Variants in TMCC3 observed in about 807,000 individuals in gnomAD.
TMCC3 encodes the protein transmembrane and coiled-coil domain family 3, also known as transmembrane and coiled-coil domain protein 3.
A neutral mutation model predicts 40.2 loss-of-function variants in TMCC3; 28 were observed. The ratio of observed to expected loss-of-function variants is 0.70; its 90% CI spans 0.52 to 0.95. TMCC3 has a LOEUF of 0.95. Ranked by LOEUF, TMCC3 falls within the 40% of genes least tolerant of loss-of-function variation. The pLI is 0.00. For synonymous variants in TMCC3, 255 were observed against 248.5 expected, an observed-to-expected ratio of 1.03 and a Z score of -0.25; for missense variants, 554 against 615.2, an observed-to-expected ratio of 0.90 and a Z score of 1.05.
rs2068517870 is a variant in TMCC3 at position 94,570,078 on chromosome 12, T to G, written c.*1357A>C. ...GAGGCAGTATGGTCGTCCTAATACC[T>G]CAGGACTTATGTTCAGTGAGATGTT... is the stretch of plus-strand genomic sequence containing the variant. On this transcript the variant is annotated 3_prime_UTR_variant, in exon 4 of 4. Coordinates refer to ENST00000261226, the MANE Select transcript of TMCC3 (RefSeq NM_020698.4). 6.6e-6 allele frequency: 1 copy of G among 152,204 alleles called. No homozygotes were observed. Among genetic ancestry groups the G allele is most frequent in the African/African-American group, 2.4e-5 (1 of 41,450 alleles). 9.4% of individuals were successfully genotyped at this position (152,204 alleles called of 1,614,324 possible). A position where few individuals can be genotyped will look rare whatever the true frequency, so the allele number is the denominator to read the frequency against.
chr12:94,574,345 G>A (rs535002795), intron 3 of TMCC3, among the ~76,000 whole-genome samples: 5 of 150,284 alleles, frequency 3.3e-5, no homozygotes, highest in South Asian at 4.2e-4. Flanking sequence ...CCGAGATCAC[G>A]CCACTACACT....
chr12:94,583,338 C>G (rs542477873), intron 1 of TMCC3, among the ~76,000 whole-genome samples: 1 of 152,080 alleles, frequency 6.6e-6, no homozygotes, highest in Non-Finnish European at 1.5e-5. Flanking sequence ...AACCCCATCT[C>G]TACTAAAAAT....
chr12:94,599,605 A>G (rs1199758349), intron 1 of TMCC3, among the ~76,000 whole-genome samples: 4 of 147,286 alleles, frequency 2.7e-5, no homozygotes, highest in Non-Finnish European at 6.0e-5. Flanking sequence ...ACTGCTTTAC[A>G]GAGTCTTACC....
chr12:94,595,408 C>T (rs2068709794), intron 1 of TMCC3, among the ~76,000 whole-genome samples: 1 of 152,180 alleles, frequency 6.6e-6, no homozygotes, highest in Non-Finnish European at 1.5e-5. Flanking sequence ...GAGAAAGCCA[C>T]ATAATGGTCA....
At chr12:94,586,219 G>C (rs2068637570) in intron 1 of TMCC3, among the ~76,000 whole-genome samples, 1 of 152,174 alleles carries the variant, frequency 6.6e-6, no homozygotes, top group Admixed American at 6.5e-5. Context: ...TTTAATTGAA[G>C]CATAATTTAT....
rs768431049 is a variant in TMCC3, at chr12:94,571,390, TTAAAA to T, written c.*40_*44del. The T allele has an allele frequency of 6.3e-7, 1 of 1,587,186 alleles. No homozygotes were observed. Among genetic ancestry groups the T allele is most frequent in the Non-Finnish European group, 8.6e-7 (1 of 1,165,534 alleles). ...TTTGGTAGTATGCACAGAGTTTTCTTTAAAATAAAAACTTGAAAGAACTTGAAGGC... is the reference window on the plus strand; with the variant it reads ...TTTGGTAGTATGCACAGAGTTTTCTTTAAAAACTTGAAAGAACTTGAAGGC... On this transcript the variant is annotated 3_prime_UTR_variant, in exon 4 of 4. Coordinates refer to ENST00000261226, the MANE Select transcript of TMCC3 (RefSeq NM_020698.4).
At chr12:94,630,971 T>C (rs1176317966) in intron 1 of TMCC3, among the ~76,000 whole-genome samples, 1 of 152,176 alleles carries the variant, frequency 6.6e-6, no homozygotes, top group Non-Finnish European at 1.5e-5. Context: ...TCAAGTGATC[T>C]GCCCACCTCC....
At chr12:94,603,614 C>T (rs560049827) in intron 1 of TMCC3, among the ~76,000 whole-genome samples, 32 of 152,134 alleles carry the variant, frequency 2.1e-4, no homozygotes, top group African/African-American at 5.8e-4. Flanking sequence ...TTACCCTTTG[C>T]GGGGAAGTAG....
chr12:94,601,582 TG>T (rs1304626829), intron 1 of TMCC3, among the ~76,000 whole-genome samples: 1 of 150,446 alleles, frequency 6.6e-6, no homozygotes, highest in South Asian at 2.1e-4. Flanking sequence ...CCCAACATTG[TG>T]GGGGGGCGAG....
At chr12:94,626,192 G>T (rs2068903400) in intron 1 of TMCC3, among the ~76,000 whole-genome samples, 1 of 152,156 alleles carries the variant, frequency 6.6e-6, no homozygotes, top group Non-Finnish European at 1.5e-5. Context: ...AGAACAGCAT[G>T]GGGGAAATCG....
At position 94,581,985 on chromosome 12, in the gene TMCC3, CG is replaced by C. The variant is rs1566315549; in HGVS notation, c.631del (p.Arg211GlyfsTer13). 1.2e-6 allele frequency: 2 copies of C among 1,614,192 alleles called. No homozygotes were observed. Among genetic ancestry groups the C allele is most frequent in the Non-Finnish European group, 1.7e-6 (2 of 1,180,034 alleles). ...GTTGTCGGCGCTGCCAAACTTATTC[CG>C]GATCAGGTTGGCAAACTCTCTGGAC... ...NKSREFANLI[R>X]NKFGSADNIA... is the part of the protein sequence containing the mutation. On this transcript the variant is annotated frameshift_variant, in exon 2 of 4. Coordinates refer to ENST00000261226, the MANE Select transcript of TMCC3 (RefSeq NM_020698.4). LOFTEE classifies it high-confidence loss of function.
At chr12:94,639,319 C>T (rs933773661) in intron 1 of TMCC3, among the ~76,000 whole-genome samples, 4 of 152,146 alleles carry the variant, frequency 2.6e-5, no homozygotes, top group South Asian at 2.1e-4. Flanking sequence ...TGGTGGCTCA[C>T]TCCTATAATC....
rs869058316 is a variant in TMCC3, at chr12:94,592,661, C to CAAAAAAAAAAAAAAAA, written c.79-10139_79-10124dup. Among the ~76,000 whole-genome samples the CAAAAAAAAAAAAAAAA allele has an allele frequency of 1.5e-3, 42 of 27,480 alleles. 3 individuals are homozygous for CAAAAAAAAAAAAAAAA. The highest frequency in any genetic ancestry group is 2.9e-3 in the African/African-American group (21 of 7,152). The allele number at this position is 27,480 out of a possible 152,430, so 18.0% of individuals were successfully genotyped here. A position where few individuals can be genotyped will look rare whatever the true frequency, so the allele number is the denominator to read the frequency against. ...TGAGCCTGGACAACAGGCTCCATCTCAAAAAAAAAAAAAAAAAAAAAATTC... is the reference window on the plus strand; with the variant it reads ...TGAGCCTGGACAACAGGCTCCATCTCAAAAAAAAAAAAAAAAAAAAAAAAAAAAAAAAAAAAAATTC... On this transcript the variant is annotated intron_variant, in intron 1 of 3. Transcript: ENST00000261226.
intron 1 of TMCC3, among the ~76,000 whole-genome samples, chr12:94,647,560 T>C (rs372724126): frequency 1.3e-5 from 2 of 152,200 alleles, no homozygotes; most frequent in East Asian, 1.9e-4. Flanking sequence ...ACCCCCTAGT[T>C]CTCATTGGCA....
chr12:94,596,055 A>G (rs2068713253), intron 1 of TMCC3, among the ~76,000 whole-genome samples: 1 of 152,192 alleles, frequency 6.6e-6, no homozygotes, highest in South Asian at 2.1e-4. Context: ...TTCTCTCCCA[A>G]AGATCTTTAA....
Position 94,614,831 on chromosome 12 carries a change from T to A in TMCC3, c.79-32293A>T, listed in dbSNP as rs998185864. On this transcript the variant is annotated intron_variant, in intron 1 of 3. Coordinates refer to ENST00000261226, the MANE Select transcript of TMCC3 (RefSeq NM_020698.4). ...CCCAGGCTCGTGTGCAGTGGCGCGA[T>A]CTCAGCTCACTGCAACCTCCACCTT... 3.3e-5 allele frequency among the ~76,000 whole-genome samples: 5 copies of A among 150,940 alleles called. No homozygotes were observed. In the South Asian group the frequency reaches 8.4e-4, roughly 25 times the overall value.
chr12:94,611,876 G>A lies in TMCC3; in HGVS notation c.79-29338C>T, dbSNP rs868370330. Among the ~76,000 whole-genome samples the A allele has an allele frequency of 2.4e-4, 36 of 152,292 alleles. No individual in the cohort carries two copies. In the Middle Eastern group the frequency reaches 0.014, roughly 58 times the overall value. ...CATGAATGTGAAATCCGTGGATGTG[G>A]AGGGCCAACTGTATATCCATTCATG... On this transcript the variant is annotated intron_variant, in intron 1 of 3. Transcript: ENST00000261226.
intron 1 of TMCC3, among the ~76,000 whole-genome samples, chr12:94,646,755 A>ATTTTTTT (rs1445489883): frequency 2.5e-5 from 1 of 40,550 alleles, no homozygotes; most frequent in African/African-American, 6.5e-5. Flanking sequence ...TTTTTTTTTA[A>ATTTTTTT]AAAACAAATA....
chr12:94,634,417 T>A (rs12424720), intron 1 of TMCC3, among the ~76,000 whole-genome samples: 16,826 of 147,732 alleles, frequency 0.11, 1,216 homozygotes, highest in African/African-American at 0.21. Context: ...AACAAAAGTT[T>A]AAAAAAAAAA....
Sources: allele counts gnomAD v4.1 joint callset (sites outside exome capture counted in the v4.1 genomes callset), GRCh38; gene constraint gnomAD v4.1.1; transcripts MANE v1.5; gene names NCBI Gene and HGNC (gene_info 2026-07-23, HGNC 2026-07-21).